The following PRIM2 variants were observed in gnomAD, a reference collection of about 807,000 sequenced individuals.
The protein encoded by PRIM2 is DNA primase large subunit.
A neutral mutation model predicts 67.3 loss-of-function variants in PRIM2; 39 were observed. That is an observed-to-expected ratio of 0.58 (90% confidence interval 0.45 to 0.76). PRIM2 has a LOEUF of 0.76. Among genes scored for constraint, PRIM2 ranks in the 30% least tolerant of loss-of-function variants. The pLI, the probability that PRIM2 is intolerant of heterozygous loss-of-function variation, is 0.00. For missense variants in PRIM2, 398 were observed against 598.7 expected (o/e 0.66, Z 3.50); for synonymous variants, 143 against 198.7 (o/e 0.72, Z 2.36).
intron 7 of PRIM2, among the ~76,000 whole-genome samples, chr6:57,476,404 A>C (rs1773478694): frequency 1.3e-5 from 2 of 152,300 alleles, no homozygotes; most frequent in South Asian, 4.2e-4. Context: ...GCAGACCCTG[A>C]TAAGCTTTAC....
chr6:57,567,431 T>C (rs1488067340), intron 10 of PRIM2, among the ~76,000 whole-genome samples: 1 of 152,156 alleles, frequency 6.6e-6, no homozygotes, highest in Non-Finnish European at 1.5e-5. Context: ...GTTCTGAGCA[T>C]GTTTAAAGTA....
the PRIM2 span, among the ~76,000 whole-genome samples, chr6:57,240,099 T>TTTTG: frequency 5.6e-5 from 5 of 89,028 alleles, no homozygotes; most frequent in African/African-American, 9.7e-5. Flanking sequence ...CTGTTTTTTT[T>TTTTG]TTTTTTTTTT....
chr6:57,511,389 AACAC>A (rs1774364345), intron 8 of PRIM2, among the ~76,000 whole-genome samples: 1 of 152,202 alleles, frequency 6.6e-6, no homozygotes, highest in African/African-American at 2.4e-5. Context: ...ATTAAAAGAA[AACAC>A]ACAATCTCTG....
chr6:57,506,793 G>A (rs1243860873), intron 7 of PRIM2, among the ~76,000 whole-genome samples: 1 of 152,010 alleles, frequency 6.6e-6, no homozygotes, highest in Non-Finnish European at 1.5e-5. Context: ...TTGGTACACA[G>A]TATTGGCTCT....
intron 8 of PRIM2, among the ~76,000 whole-genome samples, chr6:57,521,382 T>TTTTTG (rs1554348906): frequency 0.013 from 1,877 of 147,332 alleles, 59 homozygotes; most frequent in African/African-American, 0.044. Context: ...TTTTTTTTTT[T>TTTTTG]TTTTTTTTTT....
In PRIM2 at chr6:57,446,448, C is replaced by T. The variant is rs558680715; in HGVS notation, c.694-60939C>T. 2.5e-3 allele frequency among the ~76,000 whole-genome samples: 72 copies of T among 28,766 alleles called. 2 individuals are homozygous for T. The South Asian group carries it at 0.098, about 39-fold the overall frequency. The allele number at this position is 28,766 out of a possible 152,430, so 18.9% of individuals were successfully genotyped here. ...TTTTTTTTTTTGAGACAGTCTTGCT[C>T]TGTCACCCAGGCTGGAGTGTAGTGG... On this transcript the variant is annotated intron_variant, in intron 7 of 13. Coordinates refer to ENST00000615550, the MANE Select transcript of PRIM2 (RefSeq NM_000947.5).
chr6:57,606,798 G>A (rs1362096811), intron 12 of PRIM2, among the ~76,000 whole-genome samples: 2 of 152,296 alleles, frequency 1.3e-5, no homozygotes, highest in African/African-American at 2.4e-5. Context: ...TAATGAAGCC[G>A]AAAATTAATG....
intron 10 of PRIM2, among the ~76,000 whole-genome samples, chr6:57,558,629 T>G (rs1775565707): frequency 6.6e-6 from 1 of 151,240 alleles, no homozygotes. Context: ...CAGGTTGGTT[T>G]TATTGCTGTC....
At chr6:57,643,472 C>T (rs1777281649) in intron 13 of PRIM2, among the ~76,000 whole-genome samples, 1 of 152,144 alleles carries the variant, frequency 6.6e-6, no homozygotes, top group Non-Finnish European at 1.5e-5. Flanking sequence ...CTCCTTAGGC[C>T]TCTGTACATG....
chr6:57,566,373 C>A (rs1198908840), intron 10 of PRIM2, among the ~76,000 whole-genome samples: 8 of 151,980 alleles, frequency 5.3e-5, no homozygotes, highest in African/African-American at 1.9e-4. Context: ...GTTTGTCTAT[C>A]GAATGATCTT....
the PRIM2 span, among the ~76,000 whole-genome samples, chr6:57,289,593 A>T: frequency 4.6e-5 from 7 of 152,220 alleles, no homozygotes; most frequent in East Asian, 1.9e-4. Flanking sequence ...CCCATCAGAC[A>T]AACAGCTGAT....
rs3818235 is a variant in PRIM2 at position 57,380,398 on chromosome 6, T to C, written c.555+402T>C. On this transcript the variant is annotated intron_variant, in intron 6 of 13. Transcript: ENST00000615550. ...CTTGACCTCTGACATCGTGGTGTCT[T>C]GCCTCATGGTCTCTCTGTGATTCCA... 7.5e-3 allele frequency among the ~76,000 whole-genome samples: 1,133 copies of C among 151,988 alleles called. 13 individuals are homozygous for C. The highest frequency in any genetic ancestry group is 0.037 in the Admixed American group (563 of 15,268).
chr6:57,266,143 C>T, the PRIM2 span, among the ~76,000 whole-genome samples: 1 of 152,070 alleles, frequency 6.6e-6, no homozygotes. Flanking sequence ...AGAAGAATTT[C>T]CATTTTACTC....
chr6:57,241,509 CA>C, the PRIM2 span, among the ~76,000 whole-genome samples: 1 of 72,056 alleles, frequency 1.4e-5, no homozygotes, highest in Non-Finnish European at 3.1e-5. Flanking sequence ...GAAGGAATGG[CA>C]AGCAGAAAAA....
At chr6:57,478,061 T>A (rs1166784710) in intron 7 of PRIM2, among the ~76,000 whole-genome samples, 1 of 152,218 alleles carries the variant, frequency 6.6e-6, no homozygotes, top group Non-Finnish European at 1.5e-5. Flanking sequence ...CCCGTAATAC[T>A]ATGAGGTGTA....
At chr6:57,289,284 T>G in the PRIM2 span, among the ~76,000 whole-genome samples, 1 of 152,068 alleles carries the variant, frequency 6.6e-6, no homozygotes, top group African/African-American at 2.4e-5. Flanking sequence ...GAACAAAGCC[T>G]CCAAGAAATA....
At chr6:57,524,281 T>C in intron 8 of PRIM2, among the ~76,000 whole-genome samples, 1 of 152,228 alleles carries the variant, frequency 6.6e-6, no homozygotes, top group Non-Finnish European at 1.5e-5. Flanking sequence ...TTAAGCTATA[T>C]TGGAAAACTA....
At chr6:57,255,265 G>A in the PRIM2 span, among the ~76,000 whole-genome samples, 12 of 152,116 alleles carry the variant, frequency 7.9e-5, no homozygotes, top group South Asian at 2.1e-4. Context: ...CTGGGAGGCC[G>A]AGGCGGGCGG....
intron 7 of PRIM2, among the ~76,000 whole-genome samples, chr6:57,439,870 A>G (rs1305970324): frequency 8.5e-5 from 13 of 152,216 alleles, no homozygotes; most frequent in Admixed American, 8.5e-4. Flanking sequence ...AAGGCTAATA[A>G]TTAGATTATT....
Sources: allele counts gnomAD v4.1 joint callset (sites outside exome capture counted in the v4.1 genomes callset), GRCh38; gene constraint gnomAD v4.1.1; transcripts MANE v1.5; gene names NCBI Gene and HGNC (gene_info 2026-07-23, HGNC 2026-07-21).